CADPS2: variants seen among roughly 807,000 people sequenced by gnomAD.
CADPS2 encodes the protein calcium-dependent secretion activator 2.
In CADPS2, 93 loss-of-function variants were observed where a neutral mutation model predicts 172.5. That is an observed-to-expected ratio of 0.54 (90% CI 0.46 to 0.64). The LOEUF (loss-of-function observed/expected upper bound fraction) is 0.64. CADPS2 is among the 30% of genes least tolerant of loss of function. CADPS2 has a pLI of 0.00. For missense variants in CADPS2, 1,420 were observed against 1,565.9 expected (o/e 0.91, Z 1.57); for synonymous variants, 546 against 555.2 (o/e 0.98, Z 0.23).
intron 3 of CADPS2, among the ~76,000 whole-genome samples, chr7:122,656,071 C>T (rs2079737358): frequency 6.6e-6 from 1 of 152,134 alleles, no homozygotes; most frequent in African/African-American, 2.4e-5. Flanking sequence ...GGAGCAGAAG[C>T]TGCTGTATGC....
intron 19 of CADPS2, among the ~76,000 whole-genome samples, chr7:122,412,649 G>A (rs1009187623): frequency 2.0e-5 from 3 of 152,172 alleles, no homozygotes; most frequent in Admixed American, 6.5e-5. Context: ...AATGGATTTG[G>A]TGGATGACAT....
chr7:122,749,950 AC>A (rs1406222179), intron 1 of CADPS2, among the ~76,000 whole-genome samples: 2 of 148,558 alleles, frequency 1.3e-5, no homozygotes, highest in African/African-American at 5.0e-5. Flanking sequence ...ACATTTGTTC[AC>A]CTGTGAGGTT....
At chr7:122,849,231 G>T (rs1468932353) in intron 1 of CADPS2, among the ~76,000 whole-genome samples, 1 of 152,072 alleles carries the variant, frequency 6.6e-6, no homozygotes, top group African/African-American at 2.4e-5. Context: ...TTTAAGCTTT[G>T]TTTACAAAGA....
At chr7:122,442,601 C>T (rs2051502863) in intron 15 of CADPS2, among the ~76,000 whole-genome samples, 1 of 152,058 alleles carries the variant, frequency 6.6e-6, no homozygotes, top group African/African-American at 2.4e-5. Context: ...CATATTTCCC[C>T]CAAAAGCACA....
At chr7:122,544,580 C>T (rs1261910743) in intron 8 of CADPS2, among the ~76,000 whole-genome samples, 26 of 152,170 alleles carry the variant, frequency 1.7e-4, no homozygotes, top group Admixed American at 1.7e-3. Flanking sequence ...TGGACTCATT[C>T]ATATGCCTGA....
chr7:122,488,227 G>C (rs554027206), intron 11 of CADPS2, among the ~76,000 whole-genome samples: 1 of 152,174 alleles, frequency 6.6e-6, no homozygotes, highest in Non-Finnish European at 1.5e-5. Flanking sequence ...TGTTGTGCTG[G>C]GGGTGAGCAA....
chr7:122,481,162 C>CTTTTTTTTTTT (rs35352953), intron 11 of CADPS2, among the ~76,000 whole-genome samples: 10 of 107,544 alleles, frequency 9.3e-5, no homozygotes, highest in African/African-American at 1.4e-4. Flanking sequence ...TTTCTTCATT[C>CTTTTTTTTTTT]TTTTTTTTTT....
chr7:122,481,064 A>G (rs2089126925), intron 11 of CADPS2, among the ~76,000 whole-genome samples: 1 of 151,044 alleles, frequency 6.6e-6, no homozygotes, highest in South Asian at 2.1e-4. Context: ...GGATGAAACT[A>G]CTCTCTGGAG....
At chr7:122,847,244 A>G (rs767590140) in intron 1 of CADPS2, among the ~76,000 whole-genome samples, 24 of 151,962 alleles carry the variant, frequency 1.6e-4, no homozygotes, top group Non-Finnish European at 2.8e-4. Flanking sequence ...ATGCCACCAT[A>G]CCCAGCTAAC....
At chr7:122,562,702 T>C in intron 7 of CADPS2, among the ~76,000 whole-genome samples, 1 of 152,162 alleles carries the variant, frequency 6.6e-6, no homozygotes, top group Admixed American at 6.6e-5. Context: ...CTCATAAGTG[T>C]GTGATTTAAA....
At chr7:122,324,162 T>C (rs1324966023) in intron 29 of CADPS2, among the ~76,000 whole-genome samples, 1 of 151,978 alleles carries the variant, frequency 6.6e-6, no homozygotes, top group African/African-American at 2.4e-5. Context: ...TGAGTGGCTA[T>C]AATTTTACTT....
chr7:122,886,449 GA>G lies in CADPS2; in HGVS notation c.-113del. 7.3e-7 allele frequency: 1 copy of G among 1,375,666 alleles called. No individual in the cohort carries two copies. The highest frequency in any genetic ancestry group is 9.3e-7 in the Non-Finnish European group (1 of 1,070,226). 85.2% of individuals were successfully genotyped at this position (1,375,666 alleles called of 1,614,324 possible). A position where few individuals can be genotyped will look rare whatever the true frequency, so the allele number is the denominator to read the frequency against. ...GGGCTGGCTGCAGCGGCCGCAGAAC[GA>G]AAGGAAAACTGGCCAGGGCTTTCCG... is the stretch of plus-strand genomic sequence containing the variant. On this transcript the variant is annotated 5_prime_UTR_variant, in exon 1 of 30. Coordinates refer to ENST00000449022, the MANE Select transcript of CADPS2 (RefSeq NM_017954.11).
intron 1 of CADPS2, among the ~76,000 whole-genome samples, chr7:122,879,161 C>T (rs535581588): frequency 6.1e-4 from 91 of 148,342 alleles, no homozygotes; most frequent in Non-Finnish European, 4.4e-4. Flanking sequence ...CAGTTGAACG[C>T]GGGAGGCAGA....
chr7:122,427,418 C>A (rs1385528825), intron 17 of CADPS2: 1 of 152,046 alleles, frequency 6.6e-6, no homozygotes, highest in Non-Finnish European at 1.5e-5. Flanking sequence ...GTAAAAATAA[C>A]CATTGGGGAT....
chr7:122,347,786 C>T (rs1417595200), intron 27 of CADPS2, among the ~76,000 whole-genome samples: 2 of 152,076 alleles, frequency 1.3e-5, no homozygotes, highest in Non-Finnish European at 2.9e-5. Flanking sequence ...AGTGAAGAGG[C>T]AGGGTAATTT....
chr7:122,696,302 C>T lies in CADPS2; in HGVS notation c.454-32733G>A, dbSNP rs140519883. Among the ~76,000 whole-genome samples, 49 of 152,280 alleles carry T rather than the reference C, an allele frequency of 3.2e-4. 1 individual carries two copies. The highest frequency in any genetic ancestry group is 5.1e-4 in the Non-Finnish European group (35 of 68,026). Reference sequence around the variant, plus strand: ...AAGCTCAAAATAACACTTAGTGTTCCTGCTAAATCCTCCAGTAGTCCAGTG... The same window carrying T: ...AAGCTCAAAATAACACTTAGTGTTCTTGCTAAATCCTCCAGTAGTCCAGTG... On this transcript the variant is annotated intron_variant, in intron 2 of 29. Coordinates refer to ENST00000449022, the MANE Select transcript of CADPS2 (RefSeq NM_017954.11).
Position 122,367,821 on chromosome 7 carries a change from G to A in CADPS2, c.3388-6808C>T, listed in dbSNP as rs557376527. On this transcript the variant is annotated intron_variant, in intron 25 of 29. Transcript: ENST00000449022. ...GGCTTCACTGGGCTAAAATTCAAGTGTCAATAGGGTTGAGTTCCTTTCTGG... is the reference window on the plus strand; with the variant it reads ...GGCTTCACTGGGCTAAAATTCAAGTATCAATAGGGTTGAGTTCCTTTCTGG... Among the ~76,000 whole-genome samples the A allele has an allele frequency of 1.7e-4, 25 of 146,300 alleles. No individual in the cohort carries two copies. In the East Asian group the frequency reaches 4.3e-3, roughly 25 times the overall value.
At chr7:122,658,270 G>C (rs1166146072) in intron 3 of CADPS2, among the ~76,000 whole-genome samples, 1 of 152,152 alleles carries the variant, frequency 6.6e-6, no homozygotes, top group Non-Finnish European at 1.5e-5. Flanking sequence ...GGAGAAATAG[G>C]AACACTTTTA....
intron 2 of CADPS2, among the ~76,000 whole-genome samples, chr7:122,673,356 G>A (rs1479812720): frequency 6.6e-6 from 1 of 152,176 alleles, no homozygotes; most frequent in Admixed American, 6.5e-5. Flanking sequence ...TTTTGACAGG[G>A]TGCTCATTGG....
Sources: gnomAD v4.1 joint callset for allele counts (sites outside exome capture counted in the v4.1 genomes callset) on GRCh38, gnomAD v4.1.1 for gene constraint, MANE v1.5 for transcripts, NCBI Gene and HGNC (gene_info 2026-07-23, HGNC 2026-07-21) for gene names.